SLC23A2: variants seen among roughly 807,000 people sequenced by gnomAD.
SLC23A2 encodes the protein solute carrier family 23 member 2.
Under a neutral mutation model 73.3 loss-of-function variants are expected in SLC23A2, and 36 were observed. The ratio of observed to expected loss-of-function variants is 0.49; its 90% CI spans 0.38 to 0.65. SLC23A2 has a LOEUF of 0.65. Among genes scored for constraint, SLC23A2 ranks in the 30% least tolerant of loss-of-function variants. SLC23A2 has a pLI of 0.00. For missense variants in SLC23A2, 507 were observed against 841.6 expected (o/e 0.60, Z 4.92); for synonymous variants, 343 against 327.3 (o/e 1.05, Z -0.52).
chr20:4,905,372 TCTGGCC>T (rs1174188254), intron 4 of SLC23A2, among the ~76,000 whole-genome samples: 1 of 152,174 alleles, frequency 6.6e-6, no homozygotes, highest in East Asian at 1.9e-4. Context: ...GAAGGACCAC[TCTGGCC>T]ATTGTGCACT....
chr20:4,895,471 C>T (rs1931484584), intron 6 of SLC23A2, among the ~76,000 whole-genome samples: 1 of 152,158 alleles, frequency 6.6e-6, no homozygotes, highest in African/African-American at 2.4e-5. Flanking sequence ...AATATGAGTT[C>T]ACATTTTCAT....
intron 2 of SLC23A2, among the ~76,000 whole-genome samples, chr20:4,939,447 T>A (rs527263752): frequency 6.6e-6 from 1 of 152,320 alleles, no homozygotes; most frequent in East Asian, 1.9e-4. Context: ...AAATTATAAC[T>A]ACATCAAAAG....
rs948801896 is a variant in SLC23A2, at chr20:4,889,727, C to T, written c.483-3818G>A. On this transcript the variant is annotated intron_variant, in intron 6 of 16. Transcript: ENST00000338244. ...CCATCTCAACCTTGAGGCGGGCATC[C>T]CCCGATACTAGGAAGTGGACTGGCT... Among the ~76,000 whole-genome samples the T allele has an allele frequency of 3.9e-5, 6 of 151,966 alleles. No individual in the cohort carries two copies. The South Asian group carries it at 1.0e-3, about 26-fold the overall frequency.
chr20:4,884,739 C>T lies in SLC23A2; in HGVS notation c.642+14G>A, dbSNP rs201840233. The T allele has an allele frequency of 1.2e-4, 188 of 1,592,822 alleles. No individual in the cohort carries two copies. Among genetic ancestry groups the T allele is most frequent in the East Asian group, 7.8e-4 (35 of 44,736 alleles). ...ACATGAAGAAGCCAAAAGCAGACAA[C>T]GCTTGTCTTTTACCTCTCGGATCCG... On this transcript the variant is annotated intron_variant, in intron 8 of 16. Transcript: ENST00000338244.
At chr20:4,916,932 G>A (rs897606447) in intron 3 of SLC23A2, among the ~76,000 whole-genome samples, 1 of 152,264 alleles carries the variant, frequency 6.6e-6, no homozygotes, top group East Asian at 1.9e-4. Context: ...CAGTAGGTTA[G>A]GTGTATTAAA....
At chr20:4,954,813 C>T (rs968398336) in intron 2 of SLC23A2, among the ~76,000 whole-genome samples, 7 of 151,760 alleles carry the variant, frequency 4.6e-5, no homozygotes, top group African/African-American at 7.3e-5. Flanking sequence ...AAAAAGTCCT[C>T]GAAAAGAACC....
At chr20:4,996,265 A>G (rs1247975180) in intron 1 of SLC23A2, among the ~76,000 whole-genome samples, 1 of 152,182 alleles carries the variant, frequency 6.6e-6, no homozygotes, top group Non-Finnish European at 1.5e-5. Context: ...CTTAGAAGAT[A>G]GAGGGATTCA....
intron 2 of SLC23A2, among the ~76,000 whole-genome samples, chr20:4,949,941 C>CTGGT (rs1376590425): frequency 6.6e-6 from 1 of 152,198 alleles, no homozygotes; most frequent in East Asian, 1.9e-4. Context: ...TGCGATTGTC[C>CTGGT]TGGTACTCAG....
At chr20:4,906,135 C>T (rs373283381) in intron 4 of SLC23A2, among the ~76,000 whole-genome samples, 95 of 152,194 alleles carry the variant, frequency 6.2e-4, no homozygotes, top group African/African-American at 2.1e-3. Context: ...CTCAGGAGTT[C>T]GAGACCAGTC....
chr20:4,991,720 T>TCA (rs11471369), intron 1 of SLC23A2, among the ~76,000 whole-genome samples: 14,890 of 139,158 alleles, frequency 0.11, 751 homozygotes, highest in East Asian at 0.17. Context: ...AGACTCCGTT[T>TCA]CACACACACA....
chr20:4,929,214 T>G (rs1932757779), intron 3 of SLC23A2, among the ~76,000 whole-genome samples: 1 of 151,060 alleles, frequency 6.6e-6, no homozygotes, highest in South Asian at 2.1e-4. Flanking sequence ...TGCAGTGAGC[T>G]GTGATTGCTC....
chr20:4,937,808 G>A (rs2086983078), intron 2 of SLC23A2, among the ~76,000 whole-genome samples: 1 of 152,158 alleles, frequency 6.6e-6, no homozygotes, highest in Non-Finnish European at 1.5e-5. Flanking sequence ...CTGCCTCTGT[G>A]AGACTTGCTG....
chr20:4,998,471 T>C lies in SLC23A2; in HGVS notation c.-282+2935A>G, dbSNP rs1458149868. Among the ~76,000 whole-genome samples, 2 of 152,036 alleles carry C rather than the reference T, an allele frequency of 1.3e-5. No individual in the cohort carries two copies. On this transcript the variant is annotated intron_variant, in intron 1 of 16. Coordinates refer to ENST00000338244, the MANE Select transcript of SLC23A2 (RefSeq NM_005116.6). This position sits in a 1 kb window ranked among gnomAD's most constrained non-coding sequence, Gnocchi z 4.1. ...CACAGAGAAAATGAGAAGAACGGCA[T>C]AGCGCACAAAGGGCTCGTTTCAACC... is the stretch of plus-strand genomic sequence containing the variant.
chr20:4,864,257 TC>T (rs1238743591), intron 13 of SLC23A2, among the ~76,000 whole-genome samples: 1 of 152,218 alleles, frequency 6.6e-6, no homozygotes, highest in Non-Finnish European at 1.5e-5. Context: ...ACGCAATTCC[TC>T]ACGTACACCG....
intron 2 of SLC23A2, among the ~76,000 whole-genome samples, chr20:4,968,321 G>A (rs377292329): frequency 2.0e-5 from 3 of 152,262 alleles, no homozygotes; most frequent in South Asian, 2.1e-4. Context: ...TCTTTTGGGC[G>A]CTGAACACAA....
intron 1 of SLC23A2, among the ~76,000 whole-genome samples, chr20:4,983,155 T>G (rs2087753445): frequency 6.6e-6 from 1 of 151,798 alleles, no homozygotes; most frequent in Non-Finnish European, 1.5e-5. Flanking sequence ...GACCCCTACC[T>G]CAAACATTAA....
At chr20:4,905,113 C>CA (rs56708379) in intron 4 of SLC23A2, among the ~76,000 whole-genome samples, 198 of 96,740 alleles carry the variant, frequency 2.0e-3, no homozygotes, top group East Asian at 5.8e-3. Context: ...GATTCTGTCA[C>CA]AAAAAAAAAA....
rs747911989 is a variant in SLC23A2 at position 4,857,198 on chromosome 20, G to A, written c.1727C>T (p.Pro576Leu). The stretch of plus-strand genomic sequence containing the variant: ...CCATTTCCGGATTCCTCTTTCCTCT[G>A]GAGTGCCTGTCACACATCCCAAGAT... ...FILDNTIPGT[P>L]EERGIRKWKK... Residue 576 changes from proline (P) to leucine (L), a missense_variant, in exon 17 of 17, where the codon CCA becomes CTA. Pro to Leu is a moderately conservative substitution (Grantham distance 98, BLOSUM62 -3). This residue lies in a region of SLC23A2 where 168 missense variants were observed against 302.3 expected (regional missense o/e 0.56). Transcript: ENST00000338244. This position sits in a 1 kb window ranked among gnomAD's most constrained non-coding sequence, Gnocchi z 4.0. 3 of 1,593,134 alleles carry A rather than the reference G, an allele frequency of 1.9e-6. No individual in the cohort carries two copies. Among genetic ancestry groups the A allele is most frequent in the Non-Finnish European group, 2.6e-6 (3 of 1,166,258 alleles).
chr20:4,961,123 T>G (rs1270143119), intron 2 of SLC23A2, among the ~76,000 whole-genome samples: 1 of 150,720 alleles, frequency 6.6e-6, no homozygotes, highest in African/African-American at 2.4e-5. Flanking sequence ...TTTTTTTTTT[T>G]TTGAGACGGA....
Sources: allele counts gnomAD v4.1 joint callset (sites outside exome capture counted in the v4.1 genomes callset), GRCh38; gene constraint gnomAD v4.1.1; regional missense constraint gnomAD v4.1.1; non-coding constraint Gnocchi (gnomAD v3.1); transcripts MANE v1.5; gene names NCBI Gene and HGNC (gene_info 2026-07-23, HGNC 2026-07-21).